Variants in CFAP299 observed in about 807,000 individuals in gnomAD.
The protein encoded by CFAP299 is cilia and flagella associated protein 299, also known as cilia- and flagella-associated protein 299.
In CFAP299, 21 loss-of-function variants were observed where a neutral mutation model predicts 27.0. The ratio of observed to expected loss-of-function variants is 0.78; its 90% CI spans 0.55 to 1.12. The LOEUF (loss-of-function observed/expected upper bound fraction) is 1.12, where lower values mean the gene tolerates loss of function less well. Among genes scored for constraint, CFAP299 ranks in the 50% most tolerant of loss-of-function variants. The pLI is 0.00. For missense variants in CFAP299, 310 were observed against 276.6 expected (o/e 1.12, Z -0.86); for synonymous variants, 104 against 98.1 (o/e 1.06, Z -0.36).
intron 2 of CFAP299, among the ~76,000 whole-genome samples, chr4:80,506,407 CA>C (rs1732040269): frequency 6.6e-6 from 1 of 152,038 alleles, no homozygotes; most frequent in African/African-American, 2.4e-5. Context: ...GTGCATTTGT[CA>C]GGGGGAATCT....
intron 3 of CFAP299, among the ~76,000 whole-genome samples, chr4:80,800,268 AAT>A (rs1491420663): frequency 1.4e-5 from 1 of 72,700 alleles, no homozygotes; most frequent in Non-Finnish European, 2.3e-5. Flanking sequence ...ATATAAATAA[AAT>A]ATATATAATA....
chr4:80,434,100 G>A (rs1423290583), intron 2 of CFAP299, among the ~76,000 whole-genome samples: 1 of 152,154 alleles, frequency 6.6e-6, no homozygotes, highest in South Asian at 2.1e-4. Context: ...ATTAAAATTT[G>A]TATTTTAGAT....
At chr4:80,378,318 C>T (rs572823421) in intron 2 of CFAP299, among the ~76,000 whole-genome samples, 1 of 152,194 alleles carries the variant, frequency 6.6e-6, no homozygotes, top group South Asian at 2.1e-4. Context: ...GTTCTACTGG[C>T]TATTTTTTGT....
chr4:80,552,531 A>C (rs887003717), intron 2 of CFAP299, among the ~76,000 whole-genome samples: 1 of 152,166 alleles, frequency 6.6e-6, no homozygotes, highest in Non-Finnish European at 1.5e-5. Context: ...AAAGTCTCCT[A>C]ATATATCTTA....
chr4:80,853,800 A>G (rs1731666392), intron 3 of CFAP299, among the ~76,000 whole-genome samples: 1 of 152,200 alleles, frequency 6.6e-6, no homozygotes. Flanking sequence ...GCAATTAGGT[A>G]AATAATGTTG....
intron 4 of CFAP299, among the ~76,000 whole-genome samples, chr4:80,911,330 A>G (rs1735463989): frequency 6.6e-6 from 1 of 151,500 alleles, no homozygotes; most frequent in Non-Finnish European, 1.5e-5. Flanking sequence ...TATTCAACCA[A>G]ACTCACATTT....
At chr4:80,956,630 T>C (rs1489034118) in intron 5 of CFAP299, among the ~76,000 whole-genome samples, 1 of 151,896 alleles carries the variant, frequency 6.6e-6, no homozygotes, top group Non-Finnish European at 1.5e-5. Flanking sequence ...TTTCTTTTTT[T>C]TTTTTTATAG....
At chr4:80,466,946 C>T (rs1004100727) in intron 2 of CFAP299, among the ~76,000 whole-genome samples, 1 of 152,208 alleles carries the variant, frequency 6.6e-6, no homozygotes, top group African/African-American at 2.4e-5. Context: ...TCTCATGCCT[C>T]TCTGTCAATT....
intron 3 of CFAP299, among the ~76,000 whole-genome samples, chr4:80,738,678 C>G (rs1724066688): frequency 6.8e-6 from 1 of 146,884 alleles, no homozygotes; most frequent in South Asian, 2.2e-4. Flanking sequence ...TTTTTTTAAC[C>G]CTTTCAACCA....
rs571749430 is a variant in CFAP299 at position 80,412,731 on chromosome 4, G to A, written c.242+49847G>A. Among the ~76,000 whole-genome samples the A allele has an allele frequency of 1.6e-4, 25 of 152,230 alleles. No homozygotes were observed. The South Asian group carries it at 5.2e-3, about 32-fold the overall frequency. On this transcript the variant is annotated intron_variant, in intron 2 of 5. Coordinates refer to ENST00000358105, the MANE Select transcript of CFAP299 (RefSeq NM_152770.3). The stretch of plus-strand genomic sequence containing the variant: ...TAGATATGTGTCTCAATTATTGTTG[G>A]ATTGTTAATATCAAGAAATGATGCC...
intron 3 of CFAP299, among the ~76,000 whole-genome samples, chr4:80,823,624 A>G (rs1327552303): frequency 6.6e-6 from 1 of 152,172 alleles, no homozygotes; most frequent in African/African-American, 2.4e-5. Flanking sequence ...GAACCTCATT[A>G]TGTTTTCATA....
chr4:80,839,742 A>G (rs1477457972), intron 3 of CFAP299, among the ~76,000 whole-genome samples: 1 of 152,094 alleles, frequency 6.6e-6, no homozygotes, highest in Non-Finnish European at 1.5e-5. Context: ...TTGAAAAAAA[A>G]AAAAGATACT....
chr4:80,481,194 G>A (rs1248219696), intron 2 of CFAP299, among the ~76,000 whole-genome samples: 2 of 151,888 alleles, frequency 1.3e-5, no homozygotes, highest in Non-Finnish European at 2.9e-5. Flanking sequence ...TTCAGACAAG[G>A]GTACCAGTAC....
intron 3 of CFAP299, among the ~76,000 whole-genome samples, chr4:80,802,105 T>G (rs1045554904): frequency 1.1e-4 from 17 of 152,140 alleles, no homozygotes; most frequent in Admixed American, 6.6e-5. Context: ...TGTCTAAATA[T>G]AATTGTTTTG....
In CFAP299 at chr4:80,870,152, T is replaced by G. The variant is rs899779712; in HGVS notation, c.476+17T>G. ...AGATATAAGGTAAATTACATACAAT[T>G]TTTGCACCCTTAGAGGCAGGGACAA... On this transcript the variant is annotated intron_variant, in intron 4 of 5. Coordinates refer to ENST00000358105, the MANE Select transcript of CFAP299 (RefSeq NM_152770.3). 6 of 1,588,612 alleles carry G rather than the reference T, an allele frequency of 3.8e-6. No homozygotes were observed. Among genetic ancestry groups the G allele is most frequent in the African/African-American group, 2.7e-5 (2 of 73,624 alleles).
At chr4:80,574,069 AT>A (rs758356313) in intron 2 of CFAP299, among the ~76,000 whole-genome samples, 8 of 152,052 alleles carry the variant, frequency 5.3e-5, no homozygotes, top group Admixed American at 1.3e-4. Context: ...TTTTAACAAT[AT>A]TGTTTCTTCC....
At chr4:80,414,225 T>C (rs983691334) in intron 2 of CFAP299, among the ~76,000 whole-genome samples, 3 of 150,824 alleles carry the variant, frequency 2.0e-5, no homozygotes, top group Non-Finnish European at 1.5e-5. Context: ...CGCCCGCCAC[T>C]ACGCCCGGCT....
At chr4:80,780,299 T>C (rs1259225223) in intron 3 of CFAP299, among the ~76,000 whole-genome samples, 1 of 152,090 alleles carries the variant, frequency 6.6e-6, no homozygotes, top group Non-Finnish European at 1.5e-5. Context: ...TGTTACTTTA[T>C]TGGAATTTAT....
At chr4:80,774,436 T>G (rs1726406232) in intron 3 of CFAP299, among the ~76,000 whole-genome samples, 1 of 151,950 alleles carries the variant, frequency 6.6e-6, no homozygotes, top group South Asian at 2.1e-4. Flanking sequence ...TTATATTTTT[T>G]CTGCTACTAT....
Sources: gnomAD v4.1 joint callset for allele counts (sites outside exome capture counted in the v4.1 genomes callset) on GRCh38, gnomAD v4.1.1 for gene constraint, MANE v1.5 for transcripts, NCBI Gene and HGNC (gene_info 2026-07-23, HGNC 2026-07-21) for gene names.